PXDNL: variants seen among roughly 807,000 people sequenced by gnomAD.
PXDNL encodes the protein probable oxidoreductase PXDNL.
PXDNL carries 145 observed loss-of-function variants against 150.8 expected under a neutral mutation model. That is an observed-to-expected ratio of 0.96 (90% confidence interval 0.84 to 1.10). The LOEUF (loss-of-function observed/expected upper bound fraction) is 1.10, where lower values mean the gene tolerates loss of function less well. Ranked by LOEUF, PXDNL falls within the 50% of genes least tolerant of loss-of-function variation. PXDNL has a pLI of 0.00. For synonymous variants in PXDNL, 757 were observed against 725.7 expected (o/e 1.04, Z -0.69); for missense variants, 2,087 against 1,873.9 (o/e 1.11, Z -2.10).
chr8:51,373,965 A>C (rs902156905), intron 18 of PXDNL, among the ~76,000 whole-genome samples: 2 of 152,236 alleles, frequency 1.3e-5, no homozygotes, highest in Non-Finnish European at 2.9e-5. Context: ...ACTAACTTAC[A>C]TTCTCCAGCC....
chr8:51,461,527 C>G (rs769367212), intron 8 of PXDNL, among the ~76,000 whole-genome samples: 1 of 152,216 alleles, frequency 6.6e-6, no homozygotes. Flanking sequence ...AAACCCAAGC[C>G]GTGGGCACTA....
chr8:51,684,533 G>A (rs539275182), intron 1 of PXDNL, among the ~76,000 whole-genome samples: 1 of 152,324 alleles, frequency 6.6e-6, no homozygotes, highest in African/African-American at 2.4e-5. Context: ...TGTGGGCAGA[G>A]CCTATGGGAT....
chr8:51,375,062 C>T (rs1421124701), intron 17 of PXDNL, among the ~76,000 whole-genome samples: 1 of 151,964 alleles, frequency 6.6e-6, no homozygotes, highest in Non-Finnish European at 1.5e-5. Flanking sequence ...TGTGTTATGT[C>T]ATGTATAAAT....
At chr8:51,584,582 C>T (rs1354719136) in intron 3 of PXDNL, among the ~76,000 whole-genome samples, 4 of 152,096 alleles carry the variant, frequency 2.6e-5, no homozygotes, top group African/African-American at 4.8e-5. Flanking sequence ...CAGAGTCATG[C>T]AGCGGGACGT....
intron 17 of PXDNL, among the ~76,000 whole-genome samples, chr8:51,386,949 C>A (rs1807736209): frequency 6.6e-6 from 1 of 152,160 alleles, no homozygotes; most frequent in Non-Finnish European, 1.5e-5. Flanking sequence ...CTCAAAACTG[C>A]AAAACTATTT....
intron 1 of PXDNL, among the ~76,000 whole-genome samples, chr8:51,719,386 T>A (rs531395248): frequency 4.0e-3 from 605 of 152,250 alleles, no homozygotes; most frequent in Middle Eastern, 0.024. Context: ...CCACTCAGGG[T>A]TAAATGGATT....
At chr8:51,758,233 T>C (rs2037123982) in intron 1 of PXDNL, among the ~76,000 whole-genome samples, 1 of 152,216 alleles carries the variant, frequency 6.6e-6, no homozygotes, top group Non-Finnish European at 1.5e-5. Flanking sequence ...ACACGTATTA[T>C]AGCTAAACAT....
intron 8 of PXDNL, among the ~76,000 whole-genome samples, chr8:51,460,051 A>G (rs1423096208): frequency 6.6e-6 from 1 of 151,770 alleles, no homozygotes; most frequent in East Asian, 1.9e-4. Flanking sequence ...AGCTTGAGAC[A>G]AGCCTGGGCA....
At chr8:51,423,245 T>C (rs1809003413) in intron 14 of PXDNL, among the ~76,000 whole-genome samples, 1 of 152,236 alleles carries the variant, frequency 6.6e-6, no homozygotes, top group South Asian at 2.1e-4. Flanking sequence ...AATTCCATAT[T>C]ATGCTTCCAC....
At chr8:51,421,833 T>C (rs570169642) in intron 14 of PXDNL, among the ~76,000 whole-genome samples, 10 of 152,374 alleles carry the variant, frequency 6.6e-5, no homozygotes, top group African/African-American at 2.2e-4. Context: ...ATACATTTTA[T>C]TTAAAATACC....
rs192480981 is a variant in PXDNL, at chr8:51,358,677, C to T, written c.3902-12730G>A. On this transcript the variant is annotated intron_variant, in intron 19 of 22. Coordinates refer to ENST00000356297, the MANE Select transcript of PXDNL (RefSeq NM_144651.5). ...TCATCACAGGACGCTCATTGCAGCA[C>T]GCGGACAATGAGCTCACAGGGATTT... Among the ~76,000 whole-genome samples the T allele has an allele frequency of 1.3e-3, 197 of 152,212 alleles. 2 individuals carry two copies. Among genetic ancestry groups the T allele is most frequent in the Middle Eastern group, 6.8e-3 (2 of 294 alleles).
chr8:51,494,948 A>T (rs1246898030), intron 5 of PXDNL, among the ~76,000 whole-genome samples: 1 of 151,982 alleles, frequency 6.6e-6, no homozygotes, highest in Non-Finnish European at 1.5e-5. Flanking sequence ...CATCTACAGA[A>T]CTCTCCACCC....
At position 51,411,361 on chromosome 8, in the gene PXDNL, G is replaced by A. The variant is rs202110442; in HGVS notation, c.1951C>T (p.Arg651Cys). The stretch of plus-strand genomic sequence containing the variant: ...GCCATTTCCACAATCAGTGGGTCAC[G>A]CGGGTAATGAAATTGAGCCAGCAGG... ...SDLLAQFHYPRDPLIVEMARA... is the reference protein window; with the variant it reads ...SDLLAQFHYPCDPLIVEMARA... Residue 651 changes from arginine (R) to cysteine (C), a missense_variant, in exon 16 of 23, where the codon CGT (arginine) becomes TGT (cysteine). Transcript: ENST00000356297. The A allele has an allele frequency of 4.2e-5, 67 of 1,580,764 alleles. 1 individual carries two copies. In the African/African-American group the frequency reaches 7.0e-4, roughly 17 times the overall value.
intron 4 of PXDNL, among the ~76,000 whole-genome samples, chr8:51,508,629 T>A (rs1412647123): frequency 6.6e-6 from 1 of 152,154 alleles, no homozygotes; most frequent in African/African-American, 2.4e-5. Context: ...CTTCTCCCTT[T>A]TTCCAGCCAA....
chr8:51,644,204 A>T (rs910437964), intron 2 of PXDNL, among the ~76,000 whole-genome samples: 2 of 149,198 alleles, frequency 1.3e-5, no homozygotes, highest in Non-Finnish European at 3.0e-5. Flanking sequence ...ATAATATTTT[A>T]AAAAGATCAC....
rs1236436624 is a variant in PXDNL at position 51,472,176 on chromosome 8, T to C, written c.812+11A>G. 2 of 1,549,522 alleles carry C rather than the reference T, an allele frequency of 1.3e-6. No individual in the cohort carries two copies. Among genetic ancestry groups the C allele is most frequent in the African/African-American group, 1.4e-5 (1 of 73,670 alleles). ...GGAGAATCACAACCCATGTCCATGC[T>C]CAGTATTTACTTGTTGTGTATCCAA... On this transcript the variant is annotated intron_variant, in intron 8 of 22. Transcript: ENST00000356297.
chr8:51,809,300 G>A lies in PXDNL; in HGVS notation c.45C>T (p.Ala15=), dbSNP rs761673744. The change falls in exon 1 of 23, where the codon GCC becomes GCT. Residue 15 remains alanine, a synonymous_variant. Transcript: ENST00000356297. Reference sequence around the variant, plus strand: ...AGGGCAACCCTGGCAGGCACCACCCGGCCAGGAGAAAGAGAGTGGTCCAGC... The same window carrying A: ...AGGGCAACCCTGGCAGGCACCACCCAGCCAGGAGAAAGAGAGTGGTCCAGC... ...LFCWTTLFLL[A]GWCLPGLPCP... The A allele has an allele frequency of 9.5e-6, 15 of 1,580,602 alleles. No individual in the cohort carries two copies. The highest frequency in any genetic ancestry group is 2.7e-5 in the African/African-American group (2 of 74,328).
At chr8:51,756,167 G>A (rs2037098698) in intron 1 of PXDNL, among the ~76,000 whole-genome samples, 1 of 152,138 alleles carries the variant, frequency 6.6e-6, no homozygotes, top group Non-Finnish European at 1.5e-5. Flanking sequence ...GCCAAGGTGG[G>A]CAGATCACTT....
chr8:51,608,063 A>AAGAAAGAAAGAG (rs1813896757), intron 2 of PXDNL, among the ~76,000 whole-genome samples: 1 of 117,972 alleles, frequency 8.5e-6, no homozygotes. Flanking sequence ...GAAAGCAAGC[A>AAGAAAGAAAGAG]AGCAAGCAAG....
Sources: gnomAD v4.1 joint callset for allele counts (sites outside exome capture counted in the v4.1 genomes callset) on GRCh38, gnomAD v4.1.1 for gene constraint, MANE v1.5 for transcripts, NCBI Gene and HGNC (gene_info 2026-07-23, HGNC 2026-07-21) for gene names.